CCDC150: variants seen among roughly 807,000 people sequenced by gnomAD.
CCDC150 encodes the protein coiled-coil domain-containing protein 150.
Under a neutral mutation model 156.5 loss-of-function variants are expected in CCDC150, and 151 were observed. The observed-to-expected ratio is 0.97, with a 90% CI of 0.85 to 1.10. CCDC150 has a LOEUF of 1.10. CCDC150 is among the 50% of genes least tolerant of loss of function. CCDC150 has a pLI of 0.00. For missense variants in CCDC150, 1,312 were observed against 1,268.1 expected, an observed-to-expected ratio of 1.03 and a Z score of -0.53; for synonymous variants, 452 against 429.4, an observed-to-expected ratio of 1.05 and a Z score of -0.65.
intron 22 of CCDC150, 47 bp from the exon 23 acceptor site, chr2:196,729,146 C>T (rs758598723): frequency 1.3e-6 from 2 of 1,498,942 alleles, no homozygotes; most frequent in Admixed American, 2.3e-5. Flanking sequence ...GTAAGCTTCT[C>T]TTAATGGAAA....
chr2:196,650,014 G>A (rs969251837), intron 2 of CCDC150, among the ~76,000 whole-genome samples: 4 of 152,012 alleles, frequency 2.6e-5, no homozygotes, highest in African/African-American at 7.3e-5. Context: ...AATTGCTTTG[G>A]CTAGGACTTA....
chr2:196,677,147 C>A, intron 12 of CCDC150, 146 bp from the exon 13 acceptor site: 1 of 717,810 alleles, frequency 1.4e-6, no homozygotes, highest in Non-Finnish European at 2.6e-6. Flanking sequence ...GCCTCAGAGA[C>A]TCCCTGATTG....
At chr2:196,658,612 T>G (rs1244519758) in intron 4 of CCDC150, among the ~76,000 whole-genome samples, 180 bp from the exon 5 acceptor site, 1 of 152,162 alleles carries the variant, frequency 6.6e-6, no homozygotes, top group African/African-American at 2.4e-5. Flanking sequence ...AAAATAACTT[T>G]CCTGTTAAGT....
chr2:196,672,727 A>G (rs537212813), intron 9 of CCDC150, among the ~76,000 whole-genome samples: 4 of 152,118 alleles, frequency 2.6e-5, no homozygotes, highest in Non-Finnish European at 5.9e-5. Context: ...AAATATATGT[A>G]TTTCCCCCTC....
chr2:196,730,865 G>A lies in CCDC150; in HGVS notation c.2989G>A (p.Glu997Lys). The part of the protein sequence containing the change: ...QELENRCQEL[E>K]ETVRHLKKCK... Reference sequence around the variant, plus strand: ...CTTTGTATCACATTTTCAGGAATTGGAAGAAACTGTCAGACACCTGAAGAA... The same window carrying A: ...CTTTGTATCACATTTTCAGGAATTGAAAGAAACTGTCAGACACCTGAAGAA... The change falls in exon 26 of 28, where the codon GAA (glutamate) becomes AAA (lysine). Residue 997 changes from glutamate (E) to lysine (K), a missense_variant. Physicochemically the swap from Glu to Lys is moderately conservative, Grantham distance 56. Coordinates refer to ENST00000389175, the MANE Select transcript of CCDC150 (RefSeq NM_001080539.2). 8.8e-6 allele frequency: 14 copies of A among 1,593,164 alleles called. No homozygotes were observed. Among genetic ancestry groups the A allele is most frequent in the Non-Finnish European group, 1.2e-5 (14 of 1,169,532 alleles).
chr2:196,709,536 T>C (rs1696931611), intron 15 of CCDC150, among the ~76,000 whole-genome samples: 1 of 152,220 alleles, frequency 6.6e-6, no homozygotes, highest in Admixed American at 6.5e-5. Flanking sequence ...TCTGTCCAGC[T>C]TTGTTCCGTT....
chr2:196,682,030 A>C (rs1379525995), intron 13 of CCDC150, among the ~76,000 whole-genome samples: 1 of 152,062 alleles, frequency 6.6e-6, no homozygotes, highest in African/African-American at 2.4e-5. Context: ...ACTCTTGCCT[A>C]ACTCAAGATC....
intron 2 of CCDC150, among the ~76,000 whole-genome samples, chr2:196,656,068 G>C (rs1316459346): frequency 6.6e-6 from 1 of 152,136 alleles, no homozygotes; most frequent in African/African-American, 2.4e-5. Flanking sequence ...TCTCTACCCT[G>C]ATCCTGGGGT....
At chr2:196,659,046 T>C (rs1693400941) in intron 5 of CCDC150, among the ~76,000 whole-genome samples, 186 bp downstream of exon 5, 1 of 152,120 alleles carries the variant, frequency 6.6e-6, no homozygotes, top group Non-Finnish European at 1.5e-5. Context: ...AAGACTTCCT[T>C]TTACCTCAAT....
intron 6 of CCDC150, 36 bp from the exon 7 acceptor site, chr2:196,666,683 T>C: frequency 6.5e-7 from 1 of 1,546,524 alleles, no homozygotes; most frequent in Non-Finnish European, 8.7e-7. Context: ...GAAATCTTTA[T>C]CTCACAGAAA....
chr2:196,672,998 A>G (rs1318771094), intron 9 of CCDC150, among the ~76,000 whole-genome samples: 2 of 152,202 alleles, frequency 1.3e-5, no homozygotes, highest in Non-Finnish European at 2.9e-5. Flanking sequence ...ATCATTTAAA[A>G]TAACTTTTCT....
At chr2:196,731,260 C>T (rs1261581054) in intron 26 of CCDC150, among the ~76,000 whole-genome samples, 1 of 152,110 alleles carries the variant, frequency 6.6e-6, no homozygotes, top group Non-Finnish European at 1.5e-5. Flanking sequence ...CATGACCCTA[C>T]TGAAAGTGGA....
intron 15 of CCDC150, among the ~76,000 whole-genome samples, chr2:196,710,542 G>A (rs1173870527): frequency 6.6e-6 from 1 of 152,166 alleles, no homozygotes; most frequent in Non-Finnish European, 1.5e-5. Flanking sequence ...AGATGAACCA[G>A]GTACCTCTGT....
chr2:196,657,259 A>ATTTG (rs917240044), intron 4 of CCDC150, 123 bp downstream of exon 4: 2 of 933,530 alleles, frequency 2.1e-6, no homozygotes, highest in Non-Finnish European at 3.2e-6. Context: ...GGCATTTGAC[A>ATTTG]TTTGGCATGT....
At chr2:196,714,146 G>A (rs926287714) in intron 17 of CCDC150, among the ~76,000 whole-genome samples, 4 of 152,194 alleles carry the variant, frequency 2.6e-5, no homozygotes, top group African/African-American at 9.7e-5. Context: ...AAGGAGGGCT[G>A]TGAGTGTTAG....
rs1002462848 is a variant in CCDC150 at position 196,731,408 on chromosome 2, T to C, written c.3069+463T>C. On this transcript the variant is annotated intron_variant, in intron 26 of 27. Transcript: ENST00000389175. ...AAATCATACTTTTTTTTTTTTTTTT[T>C]CCAAGACAGGGTCTCACTCTGTCAC... is the stretch of plus-strand genomic sequence containing the variant. Among the ~76,000 whole-genome samples, 11 of 117,850 alleles carry C rather than the reference T, an allele frequency of 9.3e-5. No homozygotes were observed. The East Asian group carries it at 1.3e-3, about 14-fold the overall frequency. 77.3% of individuals were successfully genotyped at this position (117,850 alleles called of 152,430 possible).
chr2:196,699,000 A>G (rs1048820447), intron 14 of CCDC150, among the ~76,000 whole-genome samples: 4 of 152,176 alleles, frequency 2.6e-5, no homozygotes, highest in Admixed American at 6.6e-5. Flanking sequence ...CTAAACTGTA[A>G]TGTTACATTC....
chr2:196,710,453 C>T (rs1241034122), intron 15 of CCDC150, among the ~76,000 whole-genome samples: 1 of 152,204 alleles, frequency 6.6e-6, no homozygotes, highest in Non-Finnish European at 1.5e-5. Flanking sequence ...CCCCCTTGCG[C>T]TTCCCGGGTG....
intron 17 of CCDC150, chr2:196,713,519 C>A: frequency 1.3e-6 from 2 of 1,550,510 alleles, no homozygotes; most frequent in Non-Finnish European, 1.7e-6. Context: ...ACCTAACCTG[C>A]CTTCTATGAA....
Sources: gnomAD v4.1 joint callset for allele counts (sites outside exome capture counted in the v4.1 genomes callset) on GRCh38, gnomAD v4.1.1 for gene constraint, MANE v1.5 for transcripts, NCBI Gene and HGNC (gene_info 2026-07-23, HGNC 2026-07-21) for gene names.